Variants in PAK3 observed in about 807,000 individuals in gnomAD.
The protein encoded by PAK3 is serine/threonine-protein kinase PAK 3.
A neutral mutation model predicts 41.0 loss-of-function variants in PAK3; 4 were observed. That is an observed-to-expected ratio of 0.10 (90% CI 0.05 to 0.22). PAK3 has a LOEUF of 0.22. PAK3 is among the 10% of genes least tolerant of loss of function. PAK3 has a pLI of 1.00. For missense variants in PAK3, 205 were observed against 409.9 expected (o/e 0.50, Z 4.32); for synonymous variants, 146 against 139.6 (o/e 1.05, Z -0.32).
chrX:111,109,106 A>G (rs1348301576), intron 4 of PAK3, among the ~76,000 whole-genome samples: 1 of 111,758 alleles, frequency 8.9e-6, no homozygotes, highest in African/African-American at 3.3e-5. Context: ...AGATCAAGTG[A>G]AGAGAAATTA....
chrX:111,021,937 G>A (rs980185270), intron 1 of PAK3, among the ~76,000 whole-genome samples: 3 of 110,372 alleles, frequency 2.7e-5, no homozygotes, highest in Admixed American at 9.7e-5. Context: ...TTCAGATCTC[G>A]AAGACAAAGC....
intron 1 of PAK3, among the ~76,000 whole-genome samples, chrX:110,965,277 C>G (rs897538188): frequency 1.2e-4 from 13 of 111,808 alleles, no homozygotes; most frequent in Non-Finnish European, 2.3e-4. Flanking sequence ...TGAAACAGTT[C>G]AAAGTGTCTG....
In PAK3 at chrX:111,220,623, T is replaced by G. The variant is rs1199166737; in HGVS notation, c.*176T>G. ...TCCCTCAGATTATGTAATTTATTTG[T>G]AAGCCTGAATCGCAGCCCAAACAGG... is the stretch of plus-strand genomic sequence containing the variant. On this transcript the variant is annotated 3_prime_UTR_variant, in exon 18 of 18. Coordinates refer to ENST00000372007, the MANE Select transcript of PAK3 (RefSeq NM_002578.5). 4.3e-6 allele frequency: 2 copies of G among 464,606 alleles called. No homozygotes were observed. Among genetic ancestry groups the G allele is most frequent in the Non-Finnish European group, 7.6e-6 (2 of 262,578 alleles). The allele number at this position is 464,606 out of a possible 1,213,427, so 38.3% of individuals were successfully genotyped here.
intron 1 of PAK3, among the ~76,000 whole-genome samples, chrX:111,070,698 C>T (rs775284924): frequency 9.8e-5 from 11 of 112,035 alleles, no homozygotes; most frequent in Admixed American, 2.8e-4. Context: ...CAGCTGAGAA[C>T]GATATTTCTT....
chrX:111,025,630 G>A (rs1257479779), intron 1 of PAK3, among the ~76,000 whole-genome samples: 4 of 110,531 alleles, frequency 3.6e-5, no homozygotes, highest in African/African-American at 9.8e-5. Flanking sequence ...AACAAGCAGC[G>A]AGATTCAAAT....
chrX:111,144,802 A>C (rs775611092), intron 6 of PAK3: 1 of 647,944 alleles, frequency 1.5e-6, no homozygotes, highest in African/African-American at 2.2e-5. Context: ...GATTTTTGGT[A>C]TTCAATGATT....
At chrX:111,060,361 A>G (rs1403828181) in intron 1 of PAK3, among the ~76,000 whole-genome samples, 2 of 111,430 alleles carry the variant, frequency 1.8e-5, no homozygotes, top group Non-Finnish European at 3.8e-5. Flanking sequence ...CTACATCTCT[A>G]TTTATAAAGA....
intron 6 of PAK3, among the ~76,000 whole-genome samples, chrX:111,142,979 TC>T (rs2093893550): frequency 9.0e-6 from 1 of 111,164 alleles, no homozygotes; most frequent in African/African-American, 3.3e-5. Flanking sequence ...AGAACTGGTA[TC>T]TTTTTTATTT....
intron 1 of PAK3, among the ~76,000 whole-genome samples, chrX:111,049,965 T>G (rs2092540483): frequency 1.8e-5 from 2 of 111,053 alleles, no homozygotes; most frequent in African/African-American, 3.3e-5. Context: ...GAGGAGAAGA[T>G]AGAGATTAGG....
In PAK3 at chrX:111,082,188, T is replaced by C. The variant is rs191441188; in HGVS notation, c.-27-40889T>C. Reference sequence around the variant, plus strand: ...ACTAAGAAACGTTTGTTGATCGAATTTGTTGGCAGTTGACATTCACGAAGA... The same window carrying C: ...ACTAAGAAACGTTTGTTGATCGAATCTGTTGGCAGTTGACATTCACGAAGA... On this transcript the variant is annotated intron_variant, in intron 1 of 14. Transcript: ENST00000425146. Among the ~76,000 whole-genome samples, 544 of 111,970 alleles carry C rather than the reference T, an allele frequency of 4.9e-3. 4 individuals carry two copies. Among genetic ancestry groups the C allele is most frequent in the African/African-American group, 0.017 (524 of 30,838 alleles).
chrX:111,155,001 T>C (rs979057308), intron 8 of PAK3, among the ~76,000 whole-genome samples: 2 of 111,768 alleles, frequency 1.8e-5, no homozygotes, highest in Non-Finnish European at 3.8e-5. Context: ...TTGGTTTTGC[T>C]TGTAGAATTA....
At chrX:111,093,747 A>G (rs1196938745), upstream of PAK3, among the ~76,000 whole-genome samples, 1 of 111,739 alleles carries the variant, frequency 8.9e-6, no homozygotes, top group East Asian at 2.8e-4. Context: ...CTAGGGAGAA[A>G]GGAAATACAC....
intron 1 of PAK3, among the ~76,000 whole-genome samples, chrX:110,993,612 C>G (rs1388030187): frequency 8.9e-6 from 1 of 112,069 alleles, no homozygotes; most frequent in Non-Finnish European, 1.9e-5. Flanking sequence ...ATGTTACTAT[C>G]TTGCTTTAGT....
At chrX:111,124,662 C>A (rs901170070) in intron 5 of PAK3, among the ~76,000 whole-genome samples, 1 of 111,721 alleles carries the variant, frequency 9.0e-6, no homozygotes, top group Non-Finnish European at 1.9e-5. Flanking sequence ...ATCAGAGAAG[C>A]TGACATTTCC....
chrX:111,116,759 A>G (rs765275613), intron 4 of PAK3, among the ~76,000 whole-genome samples: 7 of 112,162 alleles, frequency 6.2e-5, no homozygotes, highest in Non-Finnish European at 9.4e-5. Flanking sequence ...GCTTGTTTGT[A>G]TGAGAGAGAA....
chrX:111,051,254 A>G (rs1403656989), intron 1 of PAK3, among the ~76,000 whole-genome samples: 1 of 111,833 alleles, frequency 8.9e-6, no homozygotes, highest in Non-Finnish European at 1.9e-5. Flanking sequence ...GGTCTAGAAA[A>G]ATGCCTGGCC....
intron 1 of PAK3, among the ~76,000 whole-genome samples, chrX:110,971,375 A>G (rs762748492): frequency 3.6e-5 from 4 of 112,313 alleles, no homozygotes; most frequent in South Asian, 3.7e-4. Flanking sequence ...TTCACTTAGC[A>G]TAATGTTTTC....
intron 1 of PAK3, among the ~76,000 whole-genome samples, chrX:110,969,804 T>C (rs1174049893): frequency 8.9e-6 from 1 of 112,193 alleles, no homozygotes; most frequent in Non-Finnish European, 1.9e-5. Flanking sequence ...TTTTTAGAAA[T>C]TGTTTTAGCT....
chrX:111,059,374 G>C (rs2092635736), intron 1 of PAK3, among the ~76,000 whole-genome samples: 1 of 110,667 alleles, frequency 9.0e-6, no homozygotes, highest in African/African-American at 3.3e-5. Flanking sequence ...GTCTCACAAT[G>C]TTGTCCTGGC....
Sources: allele counts gnomAD v4.1 joint callset (sites outside exome capture counted in the v4.1 genomes callset), GRCh38; gene constraint gnomAD v4.1.1; transcripts MANE v1.5; gene names NCBI Gene and HGNC (gene_info 2026-07-23, HGNC 2026-07-21).